Variants in TEAD4 observed in about 807,000 individuals in gnomAD.
The protein encoded by TEAD4 is transcriptional enhancer factor TEF-3.
Under a neutral mutation model 52.4 loss-of-function variants are expected in TEAD4, and 36 were observed. That is an observed-to-expected ratio of 0.69 (90% CI 0.53 to 0.91). The LOEUF is 0.91. Ranked by LOEUF, TEAD4 falls within the 40% of genes least tolerant of loss-of-function variation. The probability of loss-of-function intolerance (pLI) is 0.00; values close to 1 mark genes in which losing one functional copy is unlikely to be tolerated. For synonymous variants in TEAD4, 220 were observed against 231.0 expected, an observed-to-expected ratio of 0.95 and a Z score of 0.43; for missense variants, 508 against 583.9, an observed-to-expected ratio of 0.87 and a Z score of 1.34.
chr12:2,960,128 C>A, intron 2 of TEAD4, 88 bp downstream of exon 2: 1 of 179,144 alleles, frequency 5.6e-6, no homozygotes, highest in Non-Finnish European at 1.1e-5. Flanking sequence ...CGGGACGAGA[C>A]TGGGAAGAGC....
At chr12:3,009,639 G>A (rs1461192777) in intron 3 of TEAD4, among the ~76,000 whole-genome samples, 1 of 152,142 alleles carries the variant, frequency 6.6e-6, no homozygotes, top group African/African-American at 2.4e-5. Context: ...GTTAGACCTG[G>A]GGTAGAACTG....
intron 3 of TEAD4, among the ~76,000 whole-genome samples, chr12:2,999,104 G>A (rs538112849): frequency 2.6e-4 from 39 of 152,306 alleles, no homozygotes; most frequent in Admixed American, 1.7e-3. Context: ...CAGTGTGTGG[G>A]ATGGGCCCTC....
At chr12:3,036,234 G>A (rs1355520349) in intron 10 of TEAD4, among the ~76,000 whole-genome samples, 1 of 151,962 alleles carries the variant, frequency 6.6e-6, no homozygotes, top group East Asian at 1.9e-4. Flanking sequence ...CATCATAAAC[G>A]TAATCCACCC....
chr12:3,003,478 G>A (rs1443568891), intron 3 of TEAD4, among the ~76,000 whole-genome samples: 1 of 152,162 alleles, frequency 6.6e-6, no homozygotes, highest in Non-Finnish European at 1.5e-5. Context: ...CTGGGGTAAC[G>A]TTTTCAGTGG....
In TEAD4 at chr12:3,020,699, C is replaced by T. The variant is rs1440879034; in HGVS notation, c.649C>T (p.Arg217Cys). Reference sequence around the variant, plus strand: ...GCCCCCGGCACCCCCATGGCAGGGCCGCAGCGTGGCCAGCTCCAAGCTCTG... The same window carrying T: ...GCCCCCGGCACCCCCATGGCAGGGCTGCAGCGTGGCCAGCTCCAAGCTCTG... The change falls in exon 9 of 13, where the codon CGC becomes TGC. Residue 217 changes from arginine to cysteine, a missense_variant. Transcript: ENST00000359864. 51 of 1,608,990 alleles carry T rather than the reference C, an allele frequency of 3.2e-5. 1 individual carries two copies. Among genetic ancestry groups the T allele is most frequent in the Non-Finnish European group, 3.8e-5 (45 of 1,177,736 alleles).
At chr12:3,014,321 GCTTCAGGGAATTGTA>G (rs1205247298) in intron 5 of TEAD4, among the ~76,000 whole-genome samples, 1 of 152,212 alleles carries the variant, frequency 6.6e-6, no homozygotes, top group African/African-American at 2.4e-5. Flanking sequence ...GCCCACATTT[GCTTCAGGGAATTGTA>G]CTTGTCCTTG....
At chr12:2,977,308 C>T (rs1425134143) in intron 2 of TEAD4, among the ~76,000 whole-genome samples, 2 of 152,148 alleles carry the variant, frequency 1.3e-5, no homozygotes, top group African/African-American at 2.4e-5. Flanking sequence ...CTTTCTCTTT[C>T]TCCCCTTCCT....
At chr12:3,039,465 C>T (rs939169771) in intron 11 of TEAD4, among the ~76,000 whole-genome samples, 3 of 152,082 alleles carry the variant, frequency 2.0e-5, no homozygotes, top group African/African-American at 2.4e-5. Flanking sequence ...CTCCTATGTG[C>T]GCTTGCATGC....
chr12:2,988,873 G>A (rs959095899), intron 2 of TEAD4, among the ~76,000 whole-genome samples: 7 of 152,232 alleles, frequency 4.6e-5, no homozygotes, highest in African/African-American at 1.4e-4. Context: ...GGGACCTGAA[G>A]GGTGGCGTAC....
At position 2,992,020 on chromosome 12, in the gene TEAD4, T is replaced by C. The variant is rs1304720181; in HGVS notation, c.-29-2718T>C. ...GGTTGGGGGGGGCGGTTCCTGCTTT[T>C]TTTTTTTTTTTTTTTTGAGGCGGAG... On this transcript the variant is annotated intron_variant, in intron 2 of 12. Coordinates refer to ENST00000359864, the MANE Select transcript of TEAD4 (RefSeq NM_003213.4). Among the ~76,000 whole-genome samples, 48 of 127,776 alleles carry C rather than the reference T, an allele frequency of 3.8e-4. 1 individual carries two copies. The highest frequency in any genetic ancestry group is 8.9e-4 in the African/African-American group (25 of 28,058). 83.8% of individuals were successfully genotyped at this position (127,776 alleles called of 152,430 possible). A position where few individuals can be genotyped will look rare whatever the true frequency, so the allele number is the denominator to read the frequency against.
Position 3,040,181 on chromosome 12 carries a change from CA to C in TEAD4, c.1115del (p.Asn372ThrfsTer14). 6 of 1,614,228 alleles carry C rather than the reference CA, an allele frequency of 3.7e-6. No individual in the cohort carries two copies. The highest frequency in any genetic ancestry group is 5.1e-6 in the Non-Finnish European group (6 of 1,180,050). ...GGTCCCCGCTCTGTGAGTACATGAT[CA>C]ACTTCATCCACAAGCTCAAGCACCT... On this transcript the variant is annotated frameshift_variant, in exon 12 of 13. Transcript: ENST00000359864. LOFTEE classifies it high-confidence loss of function.
chr12:2,986,408 C>G (rs375543231), intron 2 of TEAD4, among the ~76,000 whole-genome samples: 1 of 151,894 alleles, frequency 6.6e-6, no homozygotes, highest in Admixed American at 6.6e-5. Context: ...GAGGTTGAGA[C>G]GGGCCAATCA....
chr12:3,021,700 A>C (rs1254779552), intron 9 of TEAD4, 144 bp from the exon 10 acceptor site: 1 of 730,488 alleles, frequency 1.4e-6, no homozygotes, highest in Non-Finnish European at 2.2e-6. Context: ...GACTTTTACC[A>C]TCTCTATTTT....
intron 11 of TEAD4, 83 bp from the exon 12 acceptor site, chr12:3,040,024 G>C: frequency 6.4e-7 from 1 of 1,568,464 alleles, no homozygotes. Context: ...CAGGCTTTCT[G>C]CCTTTCCTTC....
chr12:2,995,851 A>T (rs1451549017), intron 3 of TEAD4, among the ~76,000 whole-genome samples: 9 of 151,788 alleles, frequency 5.9e-5, no homozygotes, highest in Admixed American at 4.6e-4. Flanking sequence ...GAGTAAAAAT[A>T]AAAAAAATTA....
intron 3 of TEAD4, among the ~76,000 whole-genome samples, chr12:2,995,451 G>T (rs2098246326): frequency 6.6e-6 from 1 of 152,146 alleles, no homozygotes. Flanking sequence ...CTGTCATCTG[G>T]GGTGAGGGTA....
At chr12:3,028,467 A>T (rs138192267) in intron 10 of TEAD4, among the ~76,000 whole-genome samples, 53 of 152,288 alleles carry the variant, frequency 3.5e-4, no homozygotes, top group Non-Finnish European at 5.7e-4. Flanking sequence ...CCTCACCAAC[A>T]CTTGATATTC....
intron 5 of TEAD4, among the ~76,000 whole-genome samples, chr12:3,014,755 C>T (rs556396781): frequency 3.9e-5 from 6 of 152,320 alleles, no homozygotes; most frequent in Non-Finnish European, 7.3e-5. Flanking sequence ...CACTCCCCAT[C>T]GGGTCCTTCC....
intron 8 of TEAD4, among the ~76,000 whole-genome samples, chr12:3,019,634 C>T (rs956678406): frequency 5.3e-5 from 8 of 152,306 alleles, no homozygotes; most frequent in Middle Eastern, 3.4e-3. Flanking sequence ...GCCCCCACCC[C>T]GCCCTCTCAC....
Sources: gnomAD v4.1 joint callset for allele counts (sites outside exome capture counted in the v4.1 genomes callset) on GRCh38, gnomAD v4.1.1 for gene constraint, MANE v1.5 for transcripts, NCBI Gene and HGNC (gene_info 2026-07-23, HGNC 2026-07-21) for gene names.